KCNK10: variants seen among roughly 807,000 people sequenced by gnomAD.
The protein encoded by KCNK10 is potassium two pore domain channel subfamily K member 10, also known as potassium channel subfamily K member 10.
KCNK10 carries 25 observed loss-of-function variants against 47.7 expected under a neutral mutation model. The observed-to-expected ratio is 0.52, with a 90% CI of 0.38 to 0.73. The LOEUF is 0.73. Among genes scored for constraint, KCNK10 ranks in the 30% least tolerant of loss-of-function variants. KCNK10 has a pLI of 0.00. For synonymous variants in KCNK10, 303 were observed against 285.6 expected, an observed-to-expected ratio of 1.06 and a Z score of -0.61; for missense variants, 563 against 714.5, an observed-to-expected ratio of 0.79 and a Z score of 2.42.
At chr14:88,308,866 T>C (rs1888255725) in intron 1 of KCNK10, among the ~76,000 whole-genome samples, 1 of 152,244 alleles carries the variant, frequency 6.6e-6, no homozygotes, top group Non-Finnish European at 1.5e-5. Context: ...CATTCCATAT[T>C]AAATTCCCAT....
intron 3 of KCNK10, among the ~76,000 whole-genome samples, chr14:88,228,356 C>T (rs9635286): frequency 0.29 from 43,913 of 151,970 alleles, 7,005 homozygotes; most frequent in East Asian, 0.47. Flanking sequence ...ACATAAGTAA[C>T]TTATGTACAA....
chr14:88,209,913 C>T (rs1046204778), intron 4 of KCNK10, among the ~76,000 whole-genome samples: 2 of 152,190 alleles, frequency 1.3e-5, no homozygotes, highest in African/African-American at 2.4e-5. Flanking sequence ...AATAAAGGCA[C>T]AGTAACATTT....
At chr14:88,317,164 T>G (rs1345791008) in intron 1 of KCNK10, among the ~76,000 whole-genome samples, 4 of 152,210 alleles carry the variant, frequency 2.6e-5, no homozygotes, top group Non-Finnish European at 4.4e-5. Flanking sequence ...GTGGTGATTT[T>G]GGCACATTTT....
At chr14:88,302,760 A>G (rs1888129535) in intron 1 of KCNK10, among the ~76,000 whole-genome samples, 1 of 152,186 alleles carries the variant, frequency 6.6e-6, no homozygotes, top group Non-Finnish European at 1.5e-5. Flanking sequence ...AAATGATGTC[A>G]CAAAGCATGT....
At chr14:88,228,723 G>A (rs1216805705) in intron 3 of KCNK10, among the ~76,000 whole-genome samples, 3 of 152,162 alleles carry the variant, frequency 2.0e-5, no homozygotes, top group Admixed American at 6.5e-5. Flanking sequence ...CTGCCTTCGG[G>A]AATGAGTCAC....
intron 4 of KCNK10, among the ~76,000 whole-genome samples, chr14:88,207,210 T>G (rs1247964276): frequency 6.7e-6 from 1 of 148,776 alleles, no homozygotes; most frequent in Non-Finnish European, 1.5e-5. Context: ...TCTCACTTTG[T>G]CGCCCAGGCC....
At position 88,323,216 on chromosome 14, in the gene KCNK10, G is replaced by A; in HGVS notation, c.-418C>T. ...GTCACTCCAGCCCCCGAAGGCGTGT[G>A]CGCACACACTCCCGCACACACACAC... On this transcript the variant is annotated 5_prime_UTR_variant, in exon 1 of 7. Coordinates refer to ENST00000319231, the MANE Select transcript of KCNK10 (RefSeq NM_138317.3). 9 of 1,030,370 alleles carry A rather than the reference G, an allele frequency of 8.7e-6. No homozygotes were observed. The highest frequency in any genetic ancestry group is 1.1e-5 in the Non-Finnish European group (9 of 856,890). 63.8% of individuals were successfully genotyped at this position (1,030,370 alleles called of 1,614,324 possible). A position where few individuals can be genotyped will look rare whatever the true frequency, so the allele number is the denominator to read the frequency against.
intron 4 of KCNK10, among the ~76,000 whole-genome samples, chr14:88,220,373 T>C (rs10129834): frequency 0.3 from 37,753 of 124,072 alleles, 5,781 homozygotes; most frequent in East Asian, 0.49. Flanking sequence ...GCCGAGATCG[T>C]GCCACTGCAC....
At chr14:88,201,323 G>A (rs1186545069) in intron 4 of KCNK10, among the ~76,000 whole-genome samples, 1 of 152,122 alleles carries the variant, frequency 6.6e-6, no homozygotes, top group Non-Finnish European at 1.5e-5. Flanking sequence ...TATTAAAGAG[G>A]AGCACTGTTC....
intron 4 of KCNK10, among the ~76,000 whole-genome samples, chr14:88,209,967 G>A (rs1885402593): frequency 6.6e-6 from 1 of 152,152 alleles, no homozygotes; most frequent in South Asian, 2.1e-4. Flanking sequence ...CAATCCATTG[G>A]CAAGACAAGG....
At chr14:88,278,312 C>G (rs1451090654) in intron 1 of KCNK10, among the ~76,000 whole-genome samples, 1 of 152,142 alleles carries the variant, frequency 6.6e-6, no homozygotes, top group African/African-American at 2.4e-5. Context: ...GAGAAGTGTC[C>G]CTTCTCCTAG....
At chr14:88,204,167 G>A (rs186091189) in intron 4 of KCNK10, among the ~76,000 whole-genome samples, 9 of 152,310 alleles carry the variant, frequency 5.9e-5, no homozygotes, top group South Asian at 2.1e-4. Flanking sequence ...AGGAGAGAGC[G>A]AGAGGGAGAG....
chr14:88,202,049 T>C (rs1459284336), intron 4 of KCNK10, among the ~76,000 whole-genome samples: 2 of 152,216 alleles, frequency 1.3e-5, no homozygotes, highest in African/African-American at 4.8e-5. Flanking sequence ...TTAGTAGAGA[T>C]ATGCATGAAC....
intron 1 of KCNK10, among the ~76,000 whole-genome samples, chr14:88,314,321 G>T (rs926875989): frequency 1.6e-4 from 24 of 152,148 alleles, no homozygotes; most frequent in African/African-American, 5.8e-4. Context: ...CAGCAAGAAG[G>T]CACCATCTAT....
In KCNK10 at chr14:88,250,446, G is replaced by A. The variant is rs188454941; in HGVS notation, c.403-9626C>T. Among the ~76,000 whole-genome samples, 458 of 152,246 alleles carry A rather than the reference G, an allele frequency of 3.0e-3. 1 individual carries two copies. The highest frequency in any genetic ancestry group is 5.8e-3 in the Admixed American group (89 of 15,280). On this transcript the variant is annotated intron_variant, in intron 2 of 6. Transcript: ENST00000319231. ...TTGTGCCCCTGGGCTCAAAGAACCC[G>A]AACCTGCACTCTCCAGAGCTCACCT... is the stretch of plus-strand genomic sequence containing the variant.
intron 3 of KCNK10, among the ~76,000 whole-genome samples, chr14:88,240,452 C>T (rs1886422870): frequency 6.6e-6 from 1 of 152,182 alleles, no homozygotes; most frequent in African/African-American, 2.4e-5. Context: ...GTTCAACCGA[C>T]CAACTCATAT....
At chr14:88,206,659 T>C (rs1227078561) in intron 4 of KCNK10, among the ~76,000 whole-genome samples, 10 of 152,246 alleles carry the variant, frequency 6.6e-5, no homozygotes, top group Non-Finnish European at 1.5e-4. Context: ...TTTGGAGATA[T>C]TGCATTCTAC....
intron 4 of KCNK10, among the ~76,000 whole-genome samples, chr14:88,216,015 C>A (rs752301294): frequency 6.6e-6 from 1 of 152,070 alleles, no homozygotes; most frequent in Non-Finnish European, 1.5e-5. Context: ...TAGATAAGTC[C>A]CTATGGGTCA....
chr14:88,207,412 G>A (rs1885316478), intron 4 of KCNK10, among the ~76,000 whole-genome samples: 1 of 152,042 alleles, frequency 6.6e-6, no homozygotes, highest in Non-Finnish European at 1.5e-5. Context: ...CTGACCTCAT[G>A]ATCCGCCCGC....
Sources: allele counts gnomAD v4.1 joint callset (sites outside exome capture counted in the v4.1 genomes callset), GRCh38; gene constraint gnomAD v4.1.1; transcripts MANE v1.5; gene names NCBI Gene and HGNC (gene_info 2026-07-23, HGNC 2026-07-21).